The following COPS4 variants were observed in gnomAD, a reference collection of about 807,000 sequenced individuals.
The protein encoded by COPS4 is COP9 signalosome complex subunit 4.
A neutral mutation model predicts 55.1 loss-of-function variants in COPS4; 8 were observed. The ratio of observed to expected loss-of-function variants is 0.15; its 90% CI spans 0.09 to 0.26. The LOEUF (loss-of-function observed/expected upper bound fraction) is 0.26. Among genes scored for constraint, COPS4 ranks in the 10% least tolerant of loss-of-function variants. COPS4 has a pLI of 1.00. For missense variants in COPS4, 248 were observed against 484.0 expected (o/e 0.51, Z 4.58); for synonymous variants, 185 against 165.7 (o/e 1.12, Z -0.90).
intron 7 of COPS4, chr4:83,065,011 G>T: frequency 1.6e-6 from 1 of 621,670 alleles, no homozygotes; most frequent in Non-Finnish European, 2.9e-6. Context: ...CTCCCCAGAA[G>T]CTTAGGCATG....
In COPS4 at chr4:83,057,392, G is replaced by A. The variant is rs1483193760; in HGVS notation, c.699G>A (p.Thr233=). The A allele has an allele frequency of 1.3e-6, 2 of 1,585,078 alleles. No homozygotes were observed. Among genetic ancestry groups the A allele is most frequent in the Non-Finnish European group, 1.7e-6 (2 of 1,167,968 alleles). Residue 233 remains threonine, a synonymous_variant, in exon 6 of 10, where the codon ACG becomes ACA. Coordinates refer to ENST00000264389, the MANE Select transcript of COPS4 (RefSeq NM_016129.3). ...CCTTAAAACATGCTTTGCACTGTAC[G>A]ATCTTAGCATCAGCAGGTAAACACG... ...LEALKHALHC[T]ILASAGQQRS... is the part of the protein sequence containing the mutation.
intron 6 of COPS4, chr4:83,062,846 T>C (rs1731195480): frequency 2.7e-6 from 1 of 371,338 alleles, no homozygotes; most frequent in Non-Finnish European, 4.8e-6. Context: ...TTGACAAAAA[T>C]GTTGTGACCA....
chr4:83,067,437 G>C (rs1441541290), intron 8 of COPS4, among the ~76,000 whole-genome samples: 2 of 151,424 alleles, frequency 1.3e-5, no homozygotes, highest in Non-Finnish European at 2.9e-5. Context: ...TGTTGGCCAG[G>C]CTGGTCTCAA....
chr4:83,040,799 G>A (rs9307812), intron 1 of COPS4, among the ~76,000 whole-genome samples: 138,041 of 138,612 alleles, frequency 1, 68,736 homozygotes, highest in Middle Eastern at 1. Flanking sequence ...TGGTCCAGTC[G>A]TTTAGTTCAC....
In COPS4 at chr4:83,060,990, C is replaced by T. The variant is rs148667508; in HGVS notation, c.716-2086C>T. On this transcript the variant is annotated intron_variant, in intron 6 of 9. Transcript: ENST00000264389. ...CAGAGATTGCAGCGAGCTGAGATCG[C>T]GCCATTGCACTCCAGCCTGGGTAAC... Among the ~76,000 whole-genome samples, 1,070 of 150,782 alleles carry T rather than the reference C, an allele frequency of 7.1e-3. 16 individuals carry two copies. The highest frequency in any genetic ancestry group is 0.01 in the Middle Eastern group (3 of 294).
At chr4:83,071,118 C>T (rs1731419134) in intron 9 of COPS4, among the ~76,000 whole-genome samples, 1 of 152,122 alleles carries the variant, frequency 6.6e-6, no homozygotes, top group Non-Finnish European at 1.5e-5. Context: ...GAATTTCTTC[C>T]TAGAATTTAT....
intron 9 of COPS4, among the ~76,000 whole-genome samples, chr4:83,068,990 T>C (rs1030077635): frequency 6.6e-6 from 1 of 151,002 alleles, no homozygotes; most frequent in African/African-American, 2.4e-5. Context: ...AAAAAAATTA[T>C]ATTCATGAAT....
At chr4:83,048,896 C>T (rs531994379) in intron 2 of COPS4, among the ~76,000 whole-genome samples, 4 of 152,214 alleles carry the variant, frequency 2.6e-5, no homozygotes, top group African/African-American at 4.8e-5. Flanking sequence ...CTGCCTGCCT[C>T]GGCCTCCCAA....
intron 4 of COPS4, among the ~76,000 whole-genome samples, chr4:83,053,301 G>A (rs139672017): frequency 1.1e-3 from 172 of 152,332 alleles, no homozygotes; most frequent in African/African-American, 4.0e-3. Context: ...TTTAACCACA[G>A]TTGCAATTTT....
chr4:83,067,170 C>T (rs1376258109), intron 8 of COPS4, among the ~76,000 whole-genome samples: 1 of 151,916 alleles, frequency 6.6e-6, no homozygotes, highest in Non-Finnish European at 1.5e-5. Flanking sequence ...TGGGTTCAAG[C>T]AATCTTCCTG....
In COPS4 at chr4:83,075,382, A is replaced by G. The variant is rs1731547033; in HGVS notation, c.1173A>G (p.Thr391=). The part of the protein sequence containing the change: ...VNNLLEKISQ[T]APEWTAQAME... ...ACCTTTTGGAGAAAATTAGTCAAAC[A>G]GCACCAGAATGGACAGCACAAGCCA... The change falls in exon 10 of 10, where the codon ACA becomes ACG. Residue 391 remains threonine, a synonymous_variant. Transcript: ENST00000264389. 6.2e-7 allele frequency: 1 copy of G among 1,614,130 alleles called. No homozygotes were observed. The highest frequency in any genetic ancestry group is 1.1e-5 in the South Asian group (1 of 91,092).
At chr4:83,037,116 G>C (rs965866358) in intron 1 of COPS4, among the ~76,000 whole-genome samples, 1 of 152,166 alleles carries the variant, frequency 6.6e-6, no homozygotes, top group Non-Finnish European at 1.5e-5. Context: ...CCTGGGGCGG[G>C]ACTCACATGC....
At chr4:83,062,492 C>T (rs1560441919) in intron 6 of COPS4, among the ~76,000 whole-genome samples, 1 of 152,236 alleles carries the variant, frequency 6.6e-6, no homozygotes, top group Non-Finnish European at 1.5e-5. Flanking sequence ...TGTCCTGACA[C>T]ATGTTTCCAC....
At chr4:83,055,719 G>A (rs143857919) in intron 4 of COPS4, among the ~76,000 whole-genome samples, 118 of 152,192 alleles carry the variant, frequency 7.8e-4, no homozygotes, top group African/African-American at 2.6e-3. Context: ...GGGATTACAG[G>A]TGTGAGCCAC....
At chr4:83,038,518 G>T (rs987106983) in intron 1 of COPS4, among the ~76,000 whole-genome samples, 2 of 152,152 alleles carry the variant, frequency 1.3e-5, no homozygotes, top group African/African-American at 4.8e-5. Flanking sequence ...TTTTTGCCTA[G>T]AATGCCTGTC....
chr4:83,069,015 A>G (rs1731356448), intron 9 of COPS4, among the ~76,000 whole-genome samples: 1 of 151,682 alleles, frequency 6.6e-6, no homozygotes, highest in African/African-American at 2.4e-5. Context: ...TTACTGCAGG[A>G]TTTTCTATGT....
intron 6 of COPS4, among the ~76,000 whole-genome samples, chr4:83,061,995 A>G (rs72931143): frequency 0.064 from 9,746 of 152,280 alleles, 1,063 homozygotes; most frequent in African/African-American, 0.22. Flanking sequence ...CTACCAAGAT[A>G]TGGACAGTAG....
In COPS4 at chr4:83,075,605, C is replaced by A; in HGVS notation, c.*175C>A. 1 of 612,870 alleles carries A rather than the reference C, an allele frequency of 1.6e-6. No individual in the cohort carries two copies. The highest frequency in any genetic ancestry group is 3.6e-5 in the Admixed American group (1 of 27,456). 38.0% of individuals were successfully genotyped at this position (612,870 alleles called of 1,614,324 possible). On this transcript the variant is annotated 3_prime_UTR_variant, in exon 10 of 10. Transcript: ENST00000264389. Reference sequence around the variant, plus strand: ...GTACAAGCATTTAAAATATGTAGTTCCCATATATTTCAGGGTCTCTGTGTA... The same window carrying A: ...GTACAAGCATTTAAAATATGTAGTTACCATATATTTCAGGGTCTCTGTGTA...
At chr4:83,064,818 C>G (rs186074729) in intron 7 of COPS4, among the ~76,000 whole-genome samples, 1 of 148,016 alleles carries the variant, frequency 6.8e-6, no homozygotes, top group African/African-American at 2.5e-5. Flanking sequence ...CCTCAGCCTT[C>G]CAGAGCACTG....
Sources: gnomAD v4.1 joint callset for allele counts (sites outside exome capture counted in the v4.1 genomes callset) on GRCh38, gnomAD v4.1.1 for gene constraint, MANE v1.5 for transcripts, NCBI Gene and HGNC (gene_info 2026-07-23, HGNC 2026-07-21) for gene names.